The following SLIT2 variants were observed in gnomAD, a reference collection of about 807,000 sequenced individuals.
SLIT2 encodes the protein slit guidance ligand 2, also known as slit homolog 2 protein.
A neutral mutation model predicts 185.7 loss-of-function variants in SLIT2; 41 were observed. That is an observed-to-expected ratio of 0.22 (90% CI 0.17 to 0.29). The LOEUF (loss-of-function observed/expected upper bound fraction) is 0.29, where lower values mean the gene tolerates loss of function less well. Ranked by LOEUF, SLIT2 falls within the 10% of genes least tolerant of loss-of-function variation. The pLI is 1.00. For missense variants in SLIT2, 1,571 were observed against 1,909.0 expected (o/e 0.82, Z 3.30); for synonymous variants, 693 against 680.2 (o/e 1.02, Z -0.29).
intron 19 of SLIT2, among the ~76,000 whole-genome samples, chr4:20,540,028 C>T (rs1722664232): frequency 1.4e-5 from 2 of 146,092 alleles, no homozygotes; most frequent in African/African-American, 5.2e-5. Flanking sequence ...GTCTGTAATT[C>T]CAGCACTTTG....
chr4:20,462,380 G>T (rs1213033157), intron 4 of SLIT2, among the ~76,000 whole-genome samples: 1 of 152,194 alleles, frequency 6.6e-6, no homozygotes, highest in Non-Finnish European at 1.5e-5. Context: ...TAGTTTTCTT[G>T]TCTTCAATCC....
At chr4:20,587,316 C>T (rs924325008) in intron 29 of SLIT2, among the ~76,000 whole-genome samples, 3 of 152,096 alleles carry the variant, frequency 2.0e-5, no homozygotes, top group Admixed American at 6.5e-5. Flanking sequence ...CCATGCCTGG[C>T]CAAAAATCAA....
chr4:20,614,320 AGAG>A, intron 34 of SLIT2, among the ~76,000 whole-genome samples: 1 of 152,224 alleles, frequency 6.6e-6, no homozygotes, highest in Non-Finnish European at 1.5e-5. Flanking sequence ...GCCACGGGAC[AGAG>A]GACCTAGGCT....
chr4:20,408,265 A>G (rs1726929285), intron 4 of SLIT2, among the ~76,000 whole-genome samples: 1 of 152,184 alleles, frequency 6.6e-6, no homozygotes, highest in South Asian at 2.1e-4. Flanking sequence ...TAGGAGAAAG[A>G]AGCTGAGATT....
At chr4:20,472,294 A>ATC (rs377119024) in intron 5 of SLIT2, among the ~76,000 whole-genome samples, 691 of 37,026 alleles carry the variant, frequency 0.019, 44 homozygotes, top group Middle Eastern at 0.056. Context: ...ATAGATATAT[A>ATC]GATATATAGA....
At chr4:20,413,214 T>C (rs1316959287) in intron 4 of SLIT2, among the ~76,000 whole-genome samples, 1 of 152,092 alleles carries the variant, frequency 6.6e-6, no homozygotes, top group Non-Finnish European at 1.5e-5. Context: ...TTTTCTTTTG[T>C]TCTCTTCCCT....
At chr4:20,386,105 G>C (rs939266216) in intron 4 of SLIT2, among the ~76,000 whole-genome samples, 5 of 152,138 alleles carry the variant, frequency 3.3e-5, no homozygotes, top group Non-Finnish European at 7.3e-5. Flanking sequence ...ATGTATAAGT[G>C]TATAAAAGCT....
chr4:20,315,532 G>A (rs989785334), intron 4 of SLIT2, among the ~76,000 whole-genome samples: 2 of 152,058 alleles, frequency 1.3e-5, no homozygotes, highest in Non-Finnish European at 2.9e-5. Flanking sequence ...GTATCAAATT[G>A]TAAATATTTA....
Position 20,519,371 on chromosome 4 carries a change from A to T in SLIT2, c.1059-11A>T. On this transcript the variant is annotated splice_polypyrimidine_tract_variant and intron_variant, in intron 11 of 36. Transcript: ENST00000504154. Reference sequence around the variant, plus strand: ...GTGTCTAATTTTTTTCATTTAAAATATTTTTTTCAGTGTCCTCTATGGAAA... The same window carrying T: ...GTGTCTAATTTTTTTCATTTAAAATTTTTTTTTCAGTGTCCTCTATGGAAA... The T allele has an allele frequency of 6.8e-7, 1 of 1,462,736 alleles. No individual in the cohort carries two copies. The highest frequency in any genetic ancestry group is 9.6e-7 in the Non-Finnish European group (1 of 1,046,878). 90.6% of individuals were successfully genotyped at this position (1,462,736 alleles called of 1,614,324 possible).
In SLIT2 at chr4:20,619,142, A is replaced by G. The variant is rs1363546759; in HGVS notation, c.*133A>G. The G allele has an allele frequency of 1.1e-6, 1 of 940,200 alleles. No homozygotes were observed. Among genetic ancestry groups the G allele is most frequent in the African/African-American group, 1.7e-5 (1 of 59,208 alleles). The allele number at this position is 940,200 out of a possible 1,614,324, so 58.2% of individuals were successfully genotyped here. A position where few individuals can be genotyped will look rare whatever the true frequency, so the allele number is the denominator to read the frequency against. On this transcript the variant is annotated 3_prime_UTR_variant, in exon 37 of 37. Coordinates refer to ENST00000504154, the MANE Select transcript of SLIT2 (RefSeq NM_004787.4). ...GAACAGACTTATTTTTATTATGAGA[A>G]TAAAGACTTTTTTTCTGCATTTGGA...
chr4:20,255,468 G>T (rs942550840), intron 1 of SLIT2, among the ~76,000 whole-genome samples: 1 of 152,140 alleles, frequency 6.6e-6, no homozygotes, highest in Non-Finnish European at 1.5e-5. Context: ...GGTGGTGGGT[G>T]GAGATTCGTG....
intron 4 of SLIT2, among the ~76,000 whole-genome samples, chr4:20,391,179 G>C (rs759124025): frequency 2.0e-5 from 3 of 152,012 alleles, no homozygotes; most frequent in Non-Finnish European, 4.4e-5. Context: ...TACAGAACTT[G>C]TTGCAGAATA....
intron 29 of SLIT2, among the ~76,000 whole-genome samples, chr4:20,577,218 C>T (rs2148928727): frequency 6.6e-6 from 1 of 152,234 alleles, no homozygotes; most frequent in African/African-American, 2.4e-5. Flanking sequence ...AGCTACTTTA[C>T]TAGTTTGTAA....
At chr4:20,576,150 A>G (rs10025917) in intron 29 of SLIT2, among the ~76,000 whole-genome samples, 1 of 152,208 alleles carries the variant, frequency 6.6e-6, no homozygotes. Flanking sequence ...AATTCCAGCC[A>G]TCATCACTAC....
chr4:20,378,206 G>A (rs1724194029), intron 4 of SLIT2, among the ~76,000 whole-genome samples: 1 of 152,096 alleles, frequency 6.6e-6, no homozygotes, highest in African/African-American at 2.4e-5. Flanking sequence ...ATAAAAATCA[G>A]TTTTACAAAA....
intron 4 of SLIT2, among the ~76,000 whole-genome samples, chr4:20,296,673 C>G (rs1716516289): frequency 1.3e-5 from 2 of 152,142 alleles, no homozygotes; most frequent in Non-Finnish European, 2.9e-5. Context: ...CCTTAGTTGA[C>G]TAAATGTGGC....
At chr4:20,313,990 A>T (rs927896052) in intron 4 of SLIT2, among the ~76,000 whole-genome samples, 12 of 152,150 alleles carry the variant, frequency 7.9e-5, no homozygotes, top group Admixed American at 7.9e-4. Flanking sequence ...AATATTTTTC[A>T]TCTCTTATGA....
chr4:20,293,509 C>T (rs17536135), intron 4 of SLIT2, among the ~76,000 whole-genome samples: 41,231 of 152,068 alleles, frequency 0.27, 6,038 homozygotes, highest in Middle Eastern at 0.38. Flanking sequence ...GTTCCCTCAG[C>T]GTTTTGTTTG....
chr4:20,398,632 C>G (rs1199834853), intron 4 of SLIT2, among the ~76,000 whole-genome samples: 3 of 151,698 alleles, frequency 2.0e-5, no homozygotes, highest in Non-Finnish European at 4.4e-5. Flanking sequence ...CTGATTTTTA[C>G]TCAGTCATGT....
Sources: allele counts gnomAD v4.1 joint callset (sites outside exome capture counted in the v4.1 genomes callset), GRCh38; gene constraint gnomAD v4.1.1; transcripts MANE v1.5; gene names NCBI Gene and HGNC (gene_info 2026-07-23, HGNC 2026-07-21).